Variants in RSBN1L observed in about 807,000 individuals in gnomAD.
RSBN1L encodes round spermatid basic protein 1 like.
A neutral mutation model predicts 67.7 loss-of-function variants in RSBN1L; 30 were observed. The ratio of observed to expected loss-of-function variants is 0.44; its 90% CI spans 0.33 to 0.60. The LOEUF is 0.60. Among genes scored for constraint, RSBN1L ranks in the 20% least tolerant of loss-of-function variants. The pLI is 0.02. For missense variants in RSBN1L, 992 were observed against 1,031.7 expected (o/e 0.96, Z 0.53); for synonymous variants, 433 against 387.0 (o/e 1.12, Z -1.39).
intron 1 of RSBN1L, among the ~76,000 whole-genome samples, chr7:77,711,638 C>T (rs1325511731): frequency 6.6e-6 from 1 of 152,150 alleles, no homozygotes; most frequent in African/African-American, 2.4e-5. Flanking sequence ...CCAAAGTGCC[C>T]AGCCTGTATT....
chr7:77,769,378 A>G (rs1469384334), intron 5 of RSBN1L, among the ~76,000 whole-genome samples: 1 of 152,236 alleles, frequency 6.6e-6, no homozygotes, highest in Non-Finnish European at 1.5e-5. Flanking sequence ...TATATTGGGA[A>G]CTTAATATAT....
intron 1 of RSBN1L, among the ~76,000 whole-genome samples, chr7:77,734,573 C>G (rs1791308771): frequency 6.6e-6 from 1 of 151,908 alleles, no homozygotes; most frequent in Admixed American, 6.6e-5. Context: ...ACTGCAACCT[C>G]CACCTCCCGG....
At position 77,736,594 on chromosome 7, in the gene RSBN1L, A is replaced by G. The variant is rs530367834; in HGVS notation, c.703+68A>G. 9.1e-5 allele frequency: 77 copies of G among 846,872 alleles called. No individual in the cohort carries two copies. In the African/African-American group the frequency reaches 1.1e-3, roughly 12 times the overall value. 52.5% of individuals were successfully genotyped at this position (846,872 alleles called of 1,614,324 possible). On this transcript the variant is annotated intron_variant, in intron 2 of 7. Transcript: ENST00000334955. Reference sequence around the variant, plus strand: ...TTCAGTATCTTTATTGGCTAAGTGAATAAAATAAGAAATGTTATTTGGTGC... The same window carrying G: ...TTCAGTATCTTTATTGGCTAAGTGAGTAAAATAAGAAATGTTATTTGGTGC...
intron 2 of RSBN1L, among the ~76,000 whole-genome samples, chr7:77,737,738 T>G (rs1791355760): frequency 6.6e-6 from 1 of 152,114 alleles, no homozygotes; most frequent in Non-Finnish European, 1.5e-5. Context: ...AAAGTCTGCT[T>G]AAGGCCAGGT....
At chr7:77,715,577 A>G (rs1419326358) in intron 1 of RSBN1L, among the ~76,000 whole-genome samples, 1 of 152,158 alleles carries the variant, frequency 6.6e-6, no homozygotes, top group Admixed American at 6.5e-5. Flanking sequence ...TCAAAGTGCT[A>G]GAATTACAGG....
intron 1 of RSBN1L, among the ~76,000 whole-genome samples, chr7:77,713,760 C>T (rs1266917856): frequency 1.3e-5 from 2 of 151,966 alleles, no homozygotes; most frequent in African/African-American, 4.8e-5. Context: ...GCCTTGGCCT[C>T]CTCCCTGTGT....
chr7:77,729,775 G>A (rs1191056495), intron 1 of RSBN1L, among the ~76,000 whole-genome samples: 1 of 152,094 alleles, frequency 6.6e-6, no homozygotes, highest in Non-Finnish European at 1.5e-5. Context: ...GCAACATAGT[G>A]AGACCCTGTC....
chr7:77,770,772 T>C lies in RSBN1L; in HGVS notation c.1625+1969T>C, dbSNP rs940720938. ...CATTTGAAAACAGCCAAATGTAGAG[T>C]AATGTATCTAATATGATTTTGTTTT... On this transcript the variant is annotated intron_variant, in intron 5 of 7. Transcript: ENST00000334955. Among the ~76,000 whole-genome samples, 5 of 152,092 alleles carry C rather than the reference T, an allele frequency of 3.3e-5. No individual in the cohort carries two copies. The East Asian group carries it at 7.7e-4, about 23-fold the overall frequency.
At chr7:77,719,145 T>TA (rs1791084250) in intron 1 of RSBN1L, among the ~76,000 whole-genome samples, 1 of 152,210 alleles carries the variant, frequency 6.6e-6, no homozygotes, top group Admixed American at 6.5e-5. Flanking sequence ...TCACTGCACA[T>TA]ACATTAGGGC....
At chr7:77,703,477 G>GGT (rs1790845695) in intron 1 of RSBN1L, among the ~76,000 whole-genome samples, 1 of 61,574 alleles carries the variant, frequency 1.6e-5, no homozygotes, top group Non-Finnish European at 2.8e-5. Flanking sequence ...TACTGTTTGG[G>GGT]TTTTTTTTTT....
At chr7:77,722,968 CTT>C (rs71531006) in intron 1 of RSBN1L, among the ~76,000 whole-genome samples, 74 of 132,288 alleles carry the variant, frequency 5.6e-4, no homozygotes, top group African/African-American at 1.4e-3. Context: ...TTTCTCTCTT[CTT>C]TTTTTTTTTT....
chr7:77,744,325 C>T (rs1791451699), intron 2 of RSBN1L, among the ~76,000 whole-genome samples: 1 of 147,906 alleles, frequency 6.8e-6, no homozygotes, highest in Admixed American at 6.7e-5. Context: ...TGTGAGCCAC[C>T]ATGCCTGGCC....
intron 1 of RSBN1L, among the ~76,000 whole-genome samples, chr7:77,702,838 T>G (rs899758478): frequency 6.6e-6 from 1 of 152,184 alleles, no homozygotes; most frequent in Non-Finnish European, 1.5e-5. Context: ...TGACTTTTCC[T>G]ATAATGGAAA....
At chr7:77,697,221 A>G in intron 1 of RSBN1L, 166 bp downstream of exon 1, 1 of 636,514 alleles carries the variant, frequency 1.6e-6, no homozygotes, top group Non-Finnish European at 2.2e-6. Flanking sequence ...CCAAGGGGAC[A>G]GGAAATGGAG....
intron 1 of RSBN1L, among the ~76,000 whole-genome samples, chr7:77,719,335 C>A (rs543690439): frequency 2.0e-5 from 3 of 152,188 alleles, no homozygotes; most frequent in African/African-American, 7.2e-5. Context: ...ACAAGTACAA[C>A]GAGAGTCTGG....
chr7:77,765,781 A>C, intron 4 of RSBN1L, 149 bp downstream of exon 4: 1 of 606,594 alleles, frequency 1.6e-6, no homozygotes, highest in East Asian at 2.9e-5. Context: ...TTTTGGTTTT[A>C]TTTGAACTGG....
rs907688364 is a variant in RSBN1L, at chr7:77,781,262, C to G, written c.*2094C>G. On this transcript the variant is annotated 3_prime_UTR_variant, in exon 8 of 8. Coordinates refer to ENST00000334955, the MANE Select transcript of RSBN1L (RefSeq NM_198467.3). ...TTCATGGGATAGGGAAGGTATAAATCAAGATAGTAAGGGTTTTGTTTTATA... is the reference window on the plus strand; with the variant it reads ...TTCATGGGATAGGGAAGGTATAAATGAAGATAGTAAGGGTTTTGTTTTATA... 2.6e-5 allele frequency: 4 copies of G among 152,110 alleles called. No homozygotes were observed. Among genetic ancestry groups the G allele is most frequent in the African/African-American group, 9.7e-5 (4 of 41,414 alleles). The allele number at this position is 152,110 out of a possible 1,614,324, so 9.4% of individuals were successfully genotyped here.
At position 77,736,532 on chromosome 7, in the gene RSBN1L, T is replaced by G; in HGVS notation, c.703+6T>G. The G allele has an allele frequency of 7.8e-7, 1 of 1,288,316 alleles. No individual in the cohort carries two copies. The highest frequency in any genetic ancestry group is 1.1e-6 in the Non-Finnish European group (1 of 948,232). The allele number at this position is 1,288,316 out of a possible 1,614,324, so 79.8% of individuals were successfully genotyped here. ...AGTAAAGATTTTGCTGAAAAGTAAG[T>G]TTTATTCAGTGATTTTAGTTCTACT... On this transcript the variant is annotated splice_donor_region_variant and intron_variant, in intron 2 of 7. Coordinates refer to ENST00000334955, the MANE Select transcript of RSBN1L (RefSeq NM_198467.3).
At chr7:77,773,463 A>C (rs1791873019) in intron 6 of RSBN1L, 149 bp downstream of exon 6, 1 of 520,330 alleles carries the variant, frequency 1.9e-6, no homozygotes, top group East Asian at 3.3e-5. Context: ...TGTACTAAAG[A>C]TTTTAAATTG....
Sources: allele counts gnomAD v4.1 joint callset (sites outside exome capture counted in the v4.1 genomes callset), GRCh38; gene constraint gnomAD v4.1.1; transcripts MANE v1.5; gene names NCBI Gene and HGNC (gene_info 2026-07-23, HGNC 2026-07-21).